Variants in DNAH9 observed in about 807,000 individuals in gnomAD.
DNAH9 encodes dynein axonemal heavy chain 9, also known as DNAH9 variant protein.
A neutral mutation model predicts 471.6 loss-of-function variants in DNAH9; 345 were observed. The observed-to-expected ratio is 0.73, with a 90% CI of 0.67 to 0.80. The LOEUF (loss-of-function observed/expected upper bound fraction) is 0.80. Ranked by LOEUF, DNAH9 falls within the 30% of genes least tolerant of loss-of-function variation. The pLI, the probability that DNAH9 is intolerant of heterozygous loss-of-function variation, is 0.00. For missense variants in DNAH9, 5,407 were observed against 5,609.2 expected (o/e 0.96, Z 1.15); for synonymous variants, 2,093 against 2,123.6 (o/e 0.99, Z 0.40).
chr17:11,770,311 G>A (rs548862141), intron 38 of DNAH9, among the ~76,000 whole-genome samples: 1 of 152,274 alleles, frequency 6.6e-6, no homozygotes, highest in South Asian at 2.1e-4. Context: ...ATCCCTGCCT[G>A]GTGTAAACCA....
At chr17:11,807,214 G>A (rs1227421047) in intron 43 of DNAH9, among the ~76,000 whole-genome samples, 2 of 152,176 alleles carry the variant, frequency 1.3e-5, no homozygotes, top group Non-Finnish European at 2.9e-5. Context: ...GAAGAGTTCT[G>A]TCCGGGCTCC....
At chr17:11,784,904 GTACACC>G (rs983109298) in intron 41 of DNAH9, among the ~76,000 whole-genome samples, 10 of 152,152 alleles carry the variant, frequency 6.6e-5, no homozygotes, top group Non-Finnish European at 1.5e-5. Flanking sequence ...TCTCCCATTG[GTACACC>G]TATTGATCTC....
At chr17:11,878,483 A>G (rs1272550518) in intron 53 of DNAH9, among the ~76,000 whole-genome samples, 1 of 152,200 alleles carries the variant, frequency 6.6e-6, no homozygotes, top group Non-Finnish European at 1.5e-5. Flanking sequence ...AGTGATGCCT[A>G]GAGGAGTCTT....
At chr17:11,753,614 C>T (rs577828712) in intron 33 of DNAH9, among the ~76,000 whole-genome samples, 20 of 152,236 alleles carry the variant, frequency 1.3e-4, no homozygotes, top group South Asian at 6.2e-4. Context: ...TGCAGTGAGC[C>T]GAGATCGCGC....
chr17:11,910,493 G>T (rs1347798712), intron 61 of DNAH9, among the ~76,000 whole-genome samples: 1 of 152,090 alleles, frequency 6.6e-6, no homozygotes, highest in Non-Finnish European at 1.5e-5. Flanking sequence ...TCTTTTAGCT[G>T]CATAAATGAT....
At chr17:11,815,781 C>A (rs1012931071) in intron 45 of DNAH9, among the ~76,000 whole-genome samples, 1 of 152,058 alleles carries the variant, frequency 6.6e-6, no homozygotes, top group African/African-American at 2.4e-5. Context: ...AGAGCAAGAC[C>A]ATGTCTCCAA....
At chr17:11,608,055 T>C in intron 1 of DNAH9, 74 bp from the exon 2 acceptor site, 1 of 1,231,162 alleles carries the variant, frequency 8.1e-7, no homozygotes, top group Non-Finnish European at 1.1e-6. Flanking sequence ...TTATAAGCCT[T>C]TTCCAGATGA....
intron 24 of DNAH9, among the ~76,000 whole-genome samples, 170 bp downstream of exon 24, chr17:11,701,417 A>G (rs1318096787): frequency 6.6e-6 from 1 of 152,160 alleles, no homozygotes; most frequent in African/African-American, 2.4e-5. Flanking sequence ...AGGGGGATTA[A>G]CAATAATGAC....
intron 43 of DNAH9, among the ~76,000 whole-genome samples, chr17:11,805,523 C>CTTTTTTTTTTTTTTTTTT (rs773842478): frequency 1.9e-5 from 1 of 52,090 alleles, no homozygotes; most frequent in Non-Finnish European, 3.4e-5. Context: ...TACCCGAGTT[C>CTTTTTTTTTTTTTTTTTT]TTTTTTTTTT....
At chr17:11,604,730 G>T (rs2072463099) in intron 1 of DNAH9, among the ~76,000 whole-genome samples, 1 of 151,744 alleles carries the variant, frequency 6.6e-6, no homozygotes, top group South Asian at 2.1e-4. Context: ...AAAGCAATTT[G>T]TTAACACATC....
rs1567706592 is a variant in DNAH9 at position 11,669,757 on chromosome 17, C to G, written c.3316C>G (p.Leu1106Val). 1 of 1,614,156 alleles carries G rather than the reference C, an allele frequency of 6.2e-7. No homozygotes were observed. Among genetic ancestry groups the G allele is most frequent in the South Asian group, 1.1e-5 (1 of 91,082 alleles). Residue 1106 changes from leucine (L) to valine (V), a missense_variant, in exon 17 of 69, where the codon CTG (leucine) becomes GTG (valine). Coordinates refer to ENST00000262442, the MANE Select transcript of DNAH9 (RefSeq NM_001372.4). ...GAATATTATTAAGAGGTGGAGCCTC[C>G]TGTTCAAACAGCATCTTGTGGACCA... ...LLNIIKRWSL[L>V]FKQHLVDHVT...
chr17:11,727,188 G>A (rs2075169228), intron 27 of DNAH9, among the ~76,000 whole-genome samples: 1 of 151,032 alleles, frequency 6.6e-6, no homozygotes, highest in Admixed American at 6.6e-5. Flanking sequence ...TATCTTTTTG[G>A]TTGCCCCGTG....
chr17:11,639,748 G>A (rs182453889), intron 9 of DNAH9, among the ~76,000 whole-genome samples: 299 of 152,280 alleles, frequency 2.0e-3, no homozygotes, highest in African/African-American at 4.8e-3. Flanking sequence ...AGCAGCTCAC[G>A]CCTGTAATCC....
chr17:11,819,676 T>C (rs569009776), intron 45 of DNAH9, among the ~76,000 whole-genome samples: 1 of 152,296 alleles, frequency 6.6e-6, no homozygotes, highest in Non-Finnish European at 1.5e-5. Flanking sequence ...ATCAATTTCC[T>C]AAAATTTTTA....
chr17:11,714,324 T>A (rs896628723), intron 26 of DNAH9, among the ~76,000 whole-genome samples: 7 of 152,212 alleles, frequency 4.6e-5, no homozygotes, highest in Admixed American at 1.3e-4. Flanking sequence ...GTTGGGTCTG[T>A]CCCATCATTT....
intron 41 of DNAH9, among the ~76,000 whole-genome samples, chr17:11,788,518 TTCC>T (rs889862349): frequency 6.6e-6 from 1 of 152,210 alleles, no homozygotes; most frequent in Admixed American, 6.5e-5. Flanking sequence ...CTTTCCTGCT[TTCC>T]TCCTCTTGTC....
chr17:11,844,060 T>C (rs2150961507), intron 49 of DNAH9, among the ~76,000 whole-genome samples: 1 of 151,102 alleles, frequency 6.6e-6, no homozygotes, highest in East Asian at 1.9e-4. Context: ...GACAAAACAG[T>C]ATTATCTTGT....
chr17:11,882,068 T>C (rs1344640241), intron 55 of DNAH9, among the ~76,000 whole-genome samples: 1 of 152,212 alleles, frequency 6.6e-6, no homozygotes, highest in Admixed American at 6.5e-5. Flanking sequence ...CCAACAGTGT[T>C]AGGGTCATGT....
intron 62 of DNAH9, among the ~76,000 whole-genome samples, chr17:11,927,413 T>A (rs749526296): frequency 2.0e-5 from 3 of 152,252 alleles, no homozygotes; most frequent in Non-Finnish European, 4.4e-5. Context: ...GTCTTTAATC[T>A]GTGTTGAGTT....
Sources: gnomAD v4.1 joint callset for allele counts (sites outside exome capture counted in the v4.1 genomes callset) on GRCh38, gnomAD v4.1.1 for gene constraint, MANE v1.5 for transcripts, NCBI Gene and HGNC (gene_info 2026-07-23, HGNC 2026-07-21) for gene names.